DCC: variants seen among roughly 807,000 people sequenced by gnomAD.
DCC encodes netrin receptor DCC.
In DCC, 58 loss-of-function variants were observed where a neutral mutation model predicts 172.5. That is an observed-to-expected ratio of 0.34 (90% confidence interval 0.27 to 0.42). The LOEUF (loss-of-function observed/expected upper bound fraction) is 0.42. Ranked by LOEUF, DCC falls within the 10% of genes least tolerant of loss-of-function variation. The pLI is 1.00. For missense variants in DCC, 1,740 were observed against 1,791.0 expected (o/e 0.97, Z 0.51); for synonymous variants, 709 against 644.5 (o/e 1.10, Z -1.52).
chr18:53,288,901 G>C (rs1048778103), intron 12 of DCC, among the ~76,000 whole-genome samples: 2 of 152,116 alleles, frequency 1.3e-5, no homozygotes, highest in Non-Finnish European at 2.9e-5. Context: ...TGTTGAATGA[G>C]TCTGTGATTT....
intron 5 of DCC, among the ~76,000 whole-genome samples, chr18:53,052,398 C>T (rs1158174797): frequency 6.6e-6 from 1 of 151,972 alleles, no homozygotes; most frequent in Non-Finnish European, 1.5e-5. Context: ...CCCTCCCCAT[C>T]CCCCCTTTTT....
chr18:53,132,745 G>A (rs2043677574), intron 7 of DCC, among the ~76,000 whole-genome samples: 1 of 152,142 alleles, frequency 6.6e-6, no homozygotes, highest in South Asian at 2.1e-4. Flanking sequence ...CCTGATGCAA[G>A]CATGTCAGGC....
rs149265943 is a variant in DCC at position 53,086,003 on chromosome 18, T to C, written c.1261+19837T>C. The stretch of plus-strand genomic sequence containing the variant: ...TTCTTCTTCTTCTCCTTCTCCTTCT[T>C]CTCCTTCTCCTTCTCCCTCTCCCTC... On this transcript the variant is annotated intron_variant, in intron 7 of 28. Transcript: ENST00000442544. Among the ~76,000 whole-genome samples, 446 of 25,718 alleles carry C rather than the reference T, an allele frequency of 0.017. 122 individuals carry two copies. In the African/African-American group the frequency reaches 0.19, roughly 11 times the overall value. 16.9% of individuals were successfully genotyped at this position (25,718 alleles called of 152,430 possible).
intron 1 of DCC, among the ~76,000 whole-genome samples, chr18:52,473,110 T>C (rs1313351253): frequency 2.0e-5 from 3 of 152,290 alleles, no homozygotes; most frequent in East Asian, 1.9e-4. Context: ...ATCCACTCAA[T>C]GTTTTCATTA....
chr18:53,445,997 C>T (rs1423210225), intron 22 of DCC, among the ~76,000 whole-genome samples: 1 of 147,988 alleles, frequency 6.8e-6, no homozygotes, highest in Non-Finnish European at 1.5e-5. Flanking sequence ...CCTGGTCGTT[C>T]ATGCCTGTAA....
intron 5 of DCC, among the ~76,000 whole-genome samples, chr18:52,983,774 G>C (rs750552831): frequency 1.8e-4 from 27 of 152,144 alleles, no homozygotes; most frequent in Non-Finnish European, 3.7e-4. Context: ...GAGATGGGCT[G>C]CAGAAATTTA....
intron 5 of DCC, among the ~76,000 whole-genome samples, chr18:53,004,527 A>T (rs1195613091): frequency 6.6e-6 from 1 of 152,158 alleles, no homozygotes; most frequent in Non-Finnish European, 1.5e-5. Context: ...ATTATGAAAG[A>T]TTTTAAAAAT....
At chr18:52,600,747 G>T (rs919887510) in intron 1 of DCC, among the ~76,000 whole-genome samples, 2 of 151,856 alleles carry the variant, frequency 1.3e-5, no homozygotes, top group Non-Finnish European at 2.9e-5. Flanking sequence ...TTTTAACTAG[G>T]CCACTTGTTT....
At chr18:53,272,926 TAAAC>T (rs2144710860) in intron 12 of DCC, among the ~76,000 whole-genome samples, 1 of 152,146 alleles carries the variant, frequency 6.6e-6, no homozygotes, top group African/African-American at 2.4e-5. Flanking sequence ...TGAAAATAAA[TAAAC>T]AGCTCAACAC....
At chr18:53,218,837 T>G (rs2055890451) in intron 12 of DCC, among the ~76,000 whole-genome samples, 2 of 152,168 alleles carry the variant, frequency 1.3e-5, no homozygotes, top group African/African-American at 4.8e-5. Context: ...ATTGATTCAG[T>G]TATTATATAT....
intron 2 of DCC, among the ~76,000 whole-genome samples, chr18:52,852,942 G>T (rs1017090269): frequency 1.3e-5 from 2 of 152,170 alleles, no homozygotes; most frequent in African/African-American, 4.8e-5. Flanking sequence ...TTATAGAAAT[G>T]AGTAGAGGTT....
chr18:53,140,902 C>T (rs1213584308), intron 7 of DCC, among the ~76,000 whole-genome samples: 1 of 152,126 alleles, frequency 6.6e-6, no homozygotes, highest in Non-Finnish European at 1.5e-5. Context: ...CAAGAATCTA[C>T]TCAAACTTTA....
intron 1 of DCC, among the ~76,000 whole-genome samples, chr18:52,511,274 C>T (rs1418290185): frequency 1.2e-5 from 1 of 80,970 alleles, no homozygotes; most frequent in East Asian, 3.2e-4. Context: ...GGGCAAGACT[C>T]TGTCTCAAAA....
intron 1 of DCC, among the ~76,000 whole-genome samples, chr18:52,659,959 C>T (rs1388281557): frequency 6.6e-5 from 10 of 152,052 alleles, no homozygotes; most frequent in Non-Finnish European, 1.3e-4. Context: ...CACTGAAACC[C>T]AATGATTAAG....
chr18:52,890,604 C>T (rs1436332461), intron 2 of DCC, among the ~76,000 whole-genome samples: 1 of 152,066 alleles, frequency 6.6e-6, no homozygotes, highest in Non-Finnish European at 1.5e-5. Flanking sequence ...CCTCACATAT[C>T]ACTCATAGGT....
rs1003340713 is a variant in DCC at position 53,347,580 on chromosome 18, A to G, written c.2359+7673A>G. On this transcript the variant is annotated intron_variant, in intron 15 of 28. Transcript: ENST00000442544. The stretch of plus-strand genomic sequence containing the variant: ...GCACTATCGCACTTATTTACTAACA[A>G]CATGTGTTAGAGGAACTAAAAATGA... Among the ~76,000 whole-genome samples the G allele has an allele frequency of 2.0e-5, 3 of 152,168 alleles. No individual in the cohort carries two copies. The East Asian group carries it at 5.8e-4, about 29-fold the overall frequency.
At chr18:53,152,897 G>T (rs976581042) in intron 7 of DCC, among the ~76,000 whole-genome samples, 1 of 152,164 alleles carries the variant, frequency 6.6e-6, no homozygotes, top group Non-Finnish European at 1.5e-5. Context: ...TTAAACTGAG[G>T]TAAAGAGTCC....
intron 1 of DCC, among the ~76,000 whole-genome samples, chr18:52,487,756 A>G (rs2030296612): frequency 7.7e-6 from 1 of 129,062 alleles, no homozygotes; most frequent in African/African-American, 2.9e-5. Flanking sequence ...GGTTGCAATG[A>G]GTTTAGATTG....
chr18:53,179,486 G>A (rs1259548858), intron 9 of DCC, among the ~76,000 whole-genome samples: 1 of 152,098 alleles, frequency 6.6e-6, no homozygotes, highest in Non-Finnish European at 1.5e-5. Flanking sequence ...AACATCAAAG[G>A]TAAAAGAACA....
Sources: gnomAD v4.1 joint callset for allele counts (sites outside exome capture counted in the v4.1 genomes callset) on GRCh38, gnomAD v4.1.1 for gene constraint, MANE v1.5 for transcripts, NCBI Gene and HGNC (gene_info 2026-07-23, HGNC 2026-07-21) for gene names.